Variants in CTNNA3 observed in about 807,000 individuals in gnomAD.
The protein encoded by CTNNA3 is catenin alpha 3, also known as catenin alpha-3.
A neutral mutation model predicts 95.7 loss-of-function variants in CTNNA3; 76 were observed. The ratio of observed to expected loss-of-function variants is 0.79; its 90% CI spans 0.66 to 0.96. The LOEUF is 0.96. Ranked by LOEUF, CTNNA3 falls within the 40% of genes least tolerant of loss-of-function variation. The pLI, the probability that CTNNA3 is intolerant of heterozygous loss-of-function variation, is 0.00. For missense variants in CTNNA3, 1,191 were observed against 1,089.8 expected (o/e 1.09, Z -1.31); for synonymous variants, 431 against 374.4 (o/e 1.15, Z -1.74).
intron 9 of CTNNA3, among the ~76,000 whole-genome samples, chr10:66,704,225 G>C (rs1348704643): frequency 1.3e-5 from 2 of 151,874 alleles, no homozygotes; most frequent in African/African-American, 4.8e-5. Context: ...TGTTTCTTCA[G>C]GTCATATATG....
chr10:66,269,377 T>C (rs1162035119), intron 13 of CTNNA3, among the ~76,000 whole-genome samples: 1 of 152,168 alleles, frequency 6.6e-6, no homozygotes, highest in African/African-American at 2.4e-5. Flanking sequence ...ATGGGAGTCG[T>C]GAATTTAATC....
intron 7 of CTNNA3, among the ~76,000 whole-genome samples, chr10:66,857,477 A>G (rs1207490964): frequency 2.0e-5 from 3 of 151,946 alleles, no homozygotes; most frequent in Admixed American, 2.0e-4. Context: ...GAATAGCATT[A>G]AATCCGTAAA....
At position 66,509,338 on chromosome 10, in the gene CTNNA3, C is replaced by T. The variant is rs533470741; in HGVS notation, c.1531+11279G>A. Among the ~76,000 whole-genome samples, 27 of 152,096 alleles carry T rather than the reference C, an allele frequency of 1.8e-4. No homozygotes were observed. In the South Asian group the frequency reaches 5.6e-3, roughly 32 times the overall value. ...TCTTCCCTCATTCTATAGGCTGTAACTTAACTCTGTTGACTGTTTCATTTG... is the reference window on the plus strand; with the variant it reads ...TCTTCCCTCATTCTATAGGCTGTAATTTAACTCTGTTGACTGTTTCATTTG... On this transcript the variant is annotated intron_variant, in intron 11 of 17. Transcript: ENST00000433211.
intron 5 of CTNNA3, among the ~76,000 whole-genome samples, chr10:67,466,936 A>G (rs190213738): frequency 5.1e-4 from 78 of 152,286 alleles, no homozygotes; most frequent in African/African-American, 1.8e-3. Context: ...TCAATGTGGA[A>G]TAACGAGGGA....
At chr10:67,383,480 C>T (rs1844025965) in intron 5 of CTNNA3, among the ~76,000 whole-genome samples, 1 of 152,148 alleles carries the variant, frequency 6.6e-6, no homozygotes, top group African/African-American at 2.4e-5. Context: ...ATTTGCCTAG[C>T]TGCATATTAA....
At chr10:67,655,810 T>A in intron 1 of CTNNA3, among the ~76,000 whole-genome samples, 1 of 151,712 alleles carries the variant, frequency 6.6e-6, no homozygotes, top group Non-Finnish European at 1.5e-5. Flanking sequence ...AAATTTATCT[T>A]GAATGCATAA....
intron 4 of CTNNA3, among the ~76,000 whole-genome samples, chr10:67,537,756 T>G (rs182210003): frequency 6.6e-6 from 1 of 152,322 alleles, no homozygotes; most frequent in Non-Finnish European, 1.5e-5. Flanking sequence ...ACTTAATCTT[T>G]TGTACCCATT....
At chr10:67,102,309 T>A (rs1858388892) in intron 7 of CTNNA3, among the ~76,000 whole-genome samples, 1 of 150,752 alleles carries the variant, frequency 6.6e-6, no homozygotes, top group African/African-American at 2.5e-5. Context: ...TCATCAACAT[T>A]AATGGGAAAG....
rs1427105596 is a variant in CTNNA3 at position 66,928,166 on chromosome 10, T to C, written c.1048-152642A>G. On this transcript the variant is annotated intron_variant, in intron 7 of 17. Coordinates refer to ENST00000433211, the MANE Select transcript of CTNNA3 (RefSeq NM_013266.4). Reference sequence around the variant, plus strand: ...GATGCTGACGCCGAGCACATCTCTTTCCATAAAATCATCGCGGGCAGCGTG... The same window carrying C: ...GATGCTGACGCCGAGCACATCTCTTCCCATAAAATCATCGCGGGCAGCGTG... 15 of 1,613,960 alleles carry C rather than the reference T, an allele frequency of 9.3e-6. No individual in the cohort carries two copies. The highest frequency in any genetic ancestry group is 1.3e-5 in the Non-Finnish European group (15 of 1,180,042).
rs1589228865 is a variant in CTNNA3, at chr10:65,996,300, G to T, written c.2160-7503C>A. On this transcript the variant is annotated intron_variant, in intron 15 of 17. Transcript: ENST00000433211. ...TCAAGTTCTGGGGAGCACATGCTTT[G>T]GCTCCCTTTGTCCCAGGGGCACCTT... is the stretch of plus-strand genomic sequence containing the variant. Among the ~76,000 whole-genome samples, 3 of 152,234 alleles carry T rather than the reference G, an allele frequency of 2.0e-5. No individual in the cohort carries two copies. The East Asian group carries it at 5.8e-4, about 30-fold the overall frequency.
intron 13 of CTNNA3, among the ~76,000 whole-genome samples, chr10:66,129,425 C>T (rs767976631): frequency 6.6e-6 from 1 of 152,172 alleles, no homozygotes; most frequent in Non-Finnish European, 1.5e-5. Flanking sequence ...GATCAGAACT[C>T]CAGCCAGGGT....
At chr10:67,046,192 T>A (rs926830248) in intron 7 of CTNNA3, among the ~76,000 whole-genome samples, 1 of 152,204 alleles carries the variant, frequency 6.6e-6, no homozygotes, top group Admixed American at 6.5e-5. Context: ...TATAACATAG[T>A]TAATGGGGTT....
chr10:66,951,288 G>C (rs1282603809), intron 7 of CTNNA3, among the ~76,000 whole-genome samples: 1 of 151,850 alleles, frequency 6.6e-6, no homozygotes, highest in African/African-American at 2.4e-5. Context: ...GCCAATTTTT[G>C]TATTTTTAGT....
At chr10:66,581,733 AAG>A (rs1843196481) in intron 10 of CTNNA3, among the ~76,000 whole-genome samples, 1 of 151,602 alleles carries the variant, frequency 6.6e-6, no homozygotes, top group African/African-American at 2.4e-5. Flanking sequence ...TGGTGTCCAG[AAG>A]AGTTTTTCCT....
intron 7 of CTNNA3, among the ~76,000 whole-genome samples, chr10:66,965,529 G>A (rs1259852646): frequency 6.3e-5 from 9 of 143,830 alleles, no homozygotes; most frequent in African/African-American, 2.3e-4. Context: ...GCAAGACTCC[G>A]TCTCAAAAAA....
chr10:67,568,739 C>A (rs938304476), intron 3 of CTNNA3, among the ~76,000 whole-genome samples: 1 of 151,994 alleles, frequency 6.6e-6, no homozygotes, highest in East Asian at 1.9e-4. Flanking sequence ...TCCTAAGTAA[C>A]GGGTCAGCTC....
chr10:66,026,209 T>C (rs2079331338), intron 15 of CTNNA3, among the ~76,000 whole-genome samples: 1 of 152,232 alleles, frequency 6.6e-6, no homozygotes, highest in Non-Finnish European at 1.5e-5. Flanking sequence ...CTGTGGCATC[T>C]GCTTCGTATA....
intron 7 of CTNNA3, among the ~76,000 whole-genome samples, chr10:66,778,477 C>T (rs556476708): frequency 1.3e-5 from 2 of 151,996 alleles, no homozygotes; most frequent in Admixed American, 6.6e-5. Context: ...GCCTATATCC[C>T]GAGTGCTCAG....
intron 9 of CTNNA3, among the ~76,000 whole-genome samples, chr10:66,638,317 C>T (rs1845403528): frequency 6.6e-6 from 1 of 152,074 alleles, no homozygotes; most frequent in African/African-American, 2.4e-5. Flanking sequence ...AAGTGCAATT[C>T]GTGATTTCCT....
Sources: allele counts gnomAD v4.1 joint callset (sites outside exome capture counted in the v4.1 genomes callset), GRCh38; gene constraint gnomAD v4.1.1; transcripts MANE v1.5; gene names NCBI Gene and HGNC (gene_info 2026-07-23, HGNC 2026-07-21).